The following TYW1B variants were observed in gnomAD, a reference collection of about 807,000 sequenced individuals.
TYW1B encodes S-adenosyl-L-methionine-dependent tRNA 4-demethylwyosine synthase TYW1B.
Under a neutral mutation model 86.9 loss-of-function variants are expected in TYW1B, and 73 were observed. That is an observed-to-expected ratio of 0.84 (90% CI 0.70 to 1.02). The LOEUF (loss-of-function observed/expected upper bound fraction) is 1.02, where lower values mean the gene tolerates loss of function less well. Among genes scored for constraint, TYW1B ranks in the 50% least tolerant of loss-of-function variants. The probability of loss-of-function intolerance (pLI) is 0.00; values close to 1 mark genes in which losing one functional copy is unlikely to be tolerated. For missense variants in TYW1B, 637 were observed against 827.4 expected (o/e 0.77, Z 2.82); for synonymous variants, 248 against 292.8 (o/e 0.85, Z 1.56).
At chr7:72,799,679 A>G (rs1289065685) in intron 6 of TYW1B, among the ~76,000 whole-genome samples, 1 of 151,678 alleles carries the variant, frequency 6.6e-6, no homozygotes, top group Non-Finnish European at 1.5e-5. Flanking sequence ...GTTAGCCAGG[A>G]TGATCTCGAT....
At chr7:72,692,079 A>G (rs1554450391) in intron 11 of TYW1B, among the ~76,000 whole-genome samples, 2 of 151,520 alleles carry the variant, frequency 1.3e-5, no homozygotes, top group African/African-American at 4.9e-5. Flanking sequence ...GGTGGTACGC[A>G]CCTGTAATCC....
chr7:72,778,633 G>A (rs746367370), intron 6 of TYW1B, among the ~76,000 whole-genome samples: 4 of 152,152 alleles, frequency 2.6e-5, no homozygotes, highest in African/African-American at 4.8e-5. Flanking sequence ...TGTATTTTTA[G>A]TAGAGACAGG....
intron 11 of TYW1B, among the ~76,000 whole-genome samples, chr7:72,632,285 G>GTATATATAT (rs1554439905): frequency 3.0e-4 from 25 of 83,540 alleles, no homozygotes; most frequent in African/African-American, 1.8e-3. Flanking sequence ...ATATATACGT[G>GTATATATAT]TATATATATA....
intron 7 of TYW1B, among the ~76,000 whole-genome samples, chr7:72,765,789 A>G (rs555083141): frequency 6.6e-6 from 1 of 152,276 alleles, no homozygotes; most frequent in Admixed American, 6.6e-5. Flanking sequence ...ATTTTAAGAA[A>G]CAAGCCTCAT....
At chr7:72,619,319 T>TA (rs1220525595) in intron 12 of TYW1B, among the ~76,000 whole-genome samples, 1 of 151,940 alleles carries the variant, frequency 6.6e-6, no homozygotes, top group East Asian at 1.9e-4. Context: ...TTAAGGTGAA[T>TA]AAAAAAGGAA....
intron 11 of TYW1B, among the ~76,000 whole-genome samples, chr7:72,672,940 G>A (rs560578003): frequency 1.3e-4 from 20 of 152,176 alleles, no homozygotes; most frequent in Non-Finnish European, 2.5e-4. Context: ...AGGCCAAGGC[G>A]GGTGGATCAC....
intron 11 of TYW1B, among the ~76,000 whole-genome samples, chr7:72,633,749 T>C (rs1447763477): frequency 1.3e-5 from 2 of 152,110 alleles, no homozygotes; most frequent in African/African-American, 2.4e-5. Flanking sequence ...TTTAGGTTTG[T>C]TCATTTTCAT....
intron 11 of TYW1B, among the ~76,000 whole-genome samples, chr7:72,646,204 A>G (rs1563044099): frequency 6.6e-6 from 1 of 151,552 alleles, no homozygotes; most frequent in Non-Finnish European, 1.5e-5. Context: ...ACAGGTGCAC[A>G]CCACCATGTC....
At position 72,737,523 on chromosome 7, in the gene TYW1B, TA is replaced by T. The variant is rs1454546363; in HGVS notation, c.1082+6960del. Among the ~76,000 whole-genome samples the T allele has an allele frequency of 3.3e-5, 5 of 152,260 alleles. No individual in the cohort carries two copies. The East Asian group carries it at 9.6e-4, about 29-fold the overall frequency. ...GTTATTTCTTTTGAATTTTGACCTG[TA>T]AAAAAACCAACTACTTATGCCAACA... On this transcript the variant is annotated intron_variant, in intron 8 of 13. Coordinates refer to ENST00000620995, the MANE Select transcript of TYW1B (RefSeq NM_001145440.3).
At chr7:72,587,953 T>C (rs1248464974) in intron 13 of TYW1B, among the ~76,000 whole-genome samples, 1 of 152,220 alleles carries the variant, frequency 6.6e-6, no homozygotes, top group Non-Finnish European at 1.5e-5. Context: ...GGTGGTTTCA[T>C]TACAGTGGTA....
intron 12 of TYW1B, among the ~76,000 whole-genome samples, chr7:72,618,077 T>A (rs1585851545): frequency 6.6e-6 from 1 of 151,704 alleles, no homozygotes; most frequent in Non-Finnish European, 1.5e-5. Context: ...TTCCGCTAAG[T>A]GGGGAATAAC....
At chr7:72,698,958 A>C (rs1216993210) in intron 10 of TYW1B, among the ~76,000 whole-genome samples, 5 of 152,202 alleles carry the variant, frequency 3.3e-5, no homozygotes, top group Non-Finnish European at 7.3e-5. Context: ...ACTTCATTCA[A>C]CATTTATTCA....
In TYW1B at chr7:72,575,318, G is replaced by A. The variant is rs1278103617; in HGVS notation, c.*180C>T. The stretch of plus-strand genomic sequence containing the variant: ...AGTTCTGAAAAGAAACATCGGGGCT[G>A]TGGCCCAGGCCCTCTGAGTGTGGAC... On this transcript the variant is annotated 3_prime_UTR_variant, in exon 14 of 14. Coordinates refer to ENST00000620995, the MANE Select transcript of TYW1B (RefSeq NM_001145440.3). 3 of 1,427,358 alleles carry A rather than the reference G, an allele frequency of 2.1e-6. No individual in the cohort carries two copies. In the African/African-American group the frequency reaches 4.3e-5, roughly 21 times the overall value. 88.4% of individuals were successfully genotyped at this position (1,427,358 alleles called of 1,614,324 possible).
intron 13 of TYW1B, among the ~76,000 whole-genome samples, chr7:72,584,721 G>C (rs1298666486): frequency 2.6e-5 from 4 of 152,116 alleles, no homozygotes; most frequent in Non-Finnish European, 4.4e-5. Flanking sequence ...CTCCTGAAGT[G>C]CTAGGATTAC....
chr7:72,611,246 T>G (rs577422564), intron 13 of TYW1B, among the ~76,000 whole-genome samples: 1 of 152,308 alleles, frequency 6.6e-6, no homozygotes, highest in East Asian at 1.9e-4. Flanking sequence ...TAGCTCTGAT[T>G]ACACTTCTCA....
At chr7:72,744,406 G>C in intron 8 of TYW1B, 78 bp downstream of exon 8, 1 of 1,396,382 alleles carries the variant, frequency 7.2e-7, no homozygotes, top group Admixed American at 1.7e-5. Flanking sequence ...TCTTGGGTAA[G>C]TCTGAGTGTG....
Position 72,775,205 on chromosome 7 carries a change from T to G in TYW1B, c.964+2211A>C, listed in dbSNP as rs1413997006. Among the ~76,000 whole-genome samples the G allele has an allele frequency of 2.0e-5, 3 of 152,082 alleles. No individual in the cohort carries two copies. The East Asian group carries it at 5.8e-4, about 29-fold the overall frequency. ...TCAAGCAGATTATTACATATATAAC[T>G]GTAGTCTTCTAGGAAGCAAGTGGGT... On this transcript the variant is annotated intron_variant, in intron 7 of 13. Transcript: ENST00000620995.
chr7:72,715,597 G>C (rs1194450611), intron 9 of TYW1B, among the ~76,000 whole-genome samples: 1 of 152,098 alleles, frequency 6.6e-6, no homozygotes, highest in East Asian at 1.9e-4. Context: ...AGAGGGTGGA[G>C]GGTGGGAGAA....
At chr7:72,769,035 G>A (rs1228367607) in intron 7 of TYW1B, 2 of 351,660 alleles carry the variant, frequency 5.7e-6, no homozygotes, top group Non-Finnish European at 1.1e-5. Context: ...ATTAAAAGAA[G>A]CCTACTCTCA....
Sources: gnomAD v4.1 joint callset for allele counts (sites outside exome capture counted in the v4.1 genomes callset) on GRCh38, gnomAD v4.1.1 for gene constraint, MANE v1.5 for transcripts, NCBI Gene and HGNC (gene_info 2026-07-23, HGNC 2026-07-21) for gene names.